The following NEK6 variants were observed in gnomAD, a reference collection of about 807,000 sequenced individuals.
The protein encoded by NEK6 is NIMA related kinase 6.
In NEK6, 27 loss-of-function variants were observed where a neutral mutation model predicts 43.5. That is an observed-to-expected ratio of 0.62 (90% confidence interval 0.46 to 0.86). The LOEUF (loss-of-function observed/expected upper bound fraction) is 0.86, where lower values mean the gene tolerates loss of function less well. Among genes scored for constraint, NEK6 ranks in the 40% least tolerant of loss-of-function variants. The pLI is 0.00. For missense variants in NEK6, 318 were observed against 414.4 expected, an observed-to-expected ratio of 0.77 and a Z score of 2.02; for synonymous variants, 167 against 164.1, an observed-to-expected ratio of 1.02 and a Z score of -0.14.
chr9:124,341,386 G>C (rs1433569823), intron 8 of NEK6, among the ~76,000 whole-genome samples: 3 of 147,022 alleles, frequency 2.0e-5, no homozygotes, highest in Non-Finnish European at 4.6e-5. Context: ...CGGGTGACAA[G>C]AGGGTGGGAC....
chr9:124,328,182 C>G (rs1026522652), intron 7 of NEK6, among the ~76,000 whole-genome samples: 1 of 152,162 alleles, frequency 6.6e-6, no homozygotes, highest in Non-Finnish European at 1.5e-5. Flanking sequence ...TATCCACACA[C>G]TGGGTATGTA....
chr9:124,257,750 C>A, upstream of NEK6: 27 of 1,517,838 alleles, frequency 1.8e-5, no homozygotes, highest in Non-Finnish European at 2.4e-5. Flanking sequence ...CTTCCCATCT[C>A]TGAAATGGGG....
chr9:124,327,865 G>A (rs1337459358), intron 7 of NEK6, among the ~76,000 whole-genome samples: 1 of 152,208 alleles, frequency 6.6e-6, no homozygotes, highest in Non-Finnish European at 1.5e-5. Flanking sequence ...GTGGGGACCA[G>A]GTGCCTGCCA....
intron 4 of NEK6, among the ~76,000 whole-genome samples, chr9:124,316,064 C>T (rs1027329057): frequency 5.3e-5 from 8 of 152,236 alleles, no homozygotes; most frequent in Non-Finnish European, 1.0e-4. Flanking sequence ...GCCGCCTTCC[C>T]GAACACGGGT....
At position 124,303,558 on chromosome 9, in the gene NEK6, T is replaced by C. The variant is rs113451191; in HGVS notation, c.90+1504T>C. On this transcript the variant is annotated intron_variant, in intron 2 of 9. Coordinates refer to ENST00000320246, the MANE Select transcript of NEK6 (RefSeq NM_014397.6). ...TGCAGATTGACACAGAGGCGACACG[T>C]TGAGCTTAGTGGACACTATGTTTGT... Among the ~76,000 whole-genome samples the C allele has an allele frequency of 2.6e-5, 4 of 152,284 alleles. No homozygotes were observed. The South Asian group carries it at 8.3e-4, about 32-fold the overall frequency.
upstream of NEK6, chr9:124,257,919 G>T (rs1158309795): frequency 2.8e-5 from 27 of 967,284 alleles, no homozygotes; most frequent in Non-Finnish European, 3.3e-5. Flanking sequence ...GCGGGGAGGG[G>T]CGGGCGCGCG....
At chr9:124,311,790 A>G (rs1833538612) in intron 2 of NEK6, among the ~76,000 whole-genome samples, 1 of 152,186 alleles carries the variant, frequency 6.6e-6, no homozygotes, top group African/African-American at 2.4e-5. Context: ...CCTGGGTTCA[A>G]GCGATTCTCA....
intron 8 of NEK6, among the ~76,000 whole-genome samples, chr9:124,341,791 G>A (rs1168896256): frequency 6.6e-6 from 1 of 152,176 alleles, no homozygotes; most frequent in African/African-American, 2.4e-5. Flanking sequence ...GGAAGTCAGT[G>A]TCTTTAGCCA....
intron 1 of NEK6, among the ~76,000 whole-genome samples, chr9:124,272,681 C>A (rs188291770): frequency 6.6e-6 from 1 of 152,342 alleles, no homozygotes; most frequent in Admixed American, 6.5e-5. Flanking sequence ...AACCGCTCCC[C>A]CTAACGCTGC....
chr9:124,325,614 C>T (rs1441068734), intron 5 of NEK6, among the ~76,000 whole-genome samples: 1 of 152,274 alleles, frequency 6.6e-6, no homozygotes, highest in East Asian at 1.9e-4. Flanking sequence ...TGAGCCGTGG[C>T]TGTCACATGC....
At chr9:124,342,385 T>C (rs907028167) in intron 8 of NEK6, among the ~76,000 whole-genome samples, 6 of 152,202 alleles carry the variant, frequency 3.9e-5, no homozygotes, top group Admixed American at 6.5e-5. Flanking sequence ...CTCACTTTCA[T>C]CCAAATCCCA....
intron 7 of NEK6, 124 bp from the exon 8 acceptor site, chr9:124,339,447 G>T: frequency 1.4e-6 from 1 of 724,000 alleles, no homozygotes; most frequent in East Asian, 2.5e-5. Context: ...AGGGAGAAGG[G>T]CTGCTCAGAG....
intron 2 of NEK6, among the ~76,000 whole-genome samples, chr9:124,310,469 A>G (rs1833475094): frequency 6.6e-6 from 1 of 152,200 alleles, no homozygotes; most frequent in African/African-American, 2.4e-5. Flanking sequence ...CATGAGAGGT[A>G]ATTAGGCCTC....
chr9:124,272,204 G>A (rs566678086), intron 1 of NEK6, among the ~76,000 whole-genome samples: 5 of 152,228 alleles, frequency 3.3e-5, no homozygotes, highest in Admixed American at 6.5e-5. Flanking sequence ...GCTCTGGGGA[G>A]CGCTTCCCCA....
chr9:124,329,079 C>CG lies in NEK6; in HGVS notation c.622+1639dup, dbSNP rs1484191655. On this transcript the variant is annotated intron_variant, in intron 7 of 9. Transcript: ENST00000320246. ...CACGCTGCTTCCAGGAAACGAGGGC[C>CG]GGGGGCCTCGGCAGATACCGTTGGA... 3.9e-5 allele frequency among the ~76,000 whole-genome samples: 6 copies of CG among 152,328 alleles called. No individual in the cohort carries two copies. In the South Asian group the frequency reaches 8.3e-4, roughly 21 times the overall value.
intron 1 of NEK6, among the ~76,000 whole-genome samples, chr9:124,299,716 G>C (rs749935234): frequency 6.6e-6 from 1 of 152,110 alleles, no homozygotes; most frequent in Non-Finnish European, 1.5e-5. Flanking sequence ...ATGCCCCTCC[G>C]TGTGACACTG....
At chr9:124,317,238 A>G (rs963191990) in intron 4 of NEK6, among the ~76,000 whole-genome samples, 1 of 152,186 alleles carries the variant, frequency 6.6e-6, no homozygotes, top group Non-Finnish European at 1.5e-5. Flanking sequence ...AAATCTGGGC[A>G]AGAGGATTTT....
At chr9:124,281,373 A>C (rs1831896386) in intron 1 of NEK6, among the ~76,000 whole-genome samples, 1 of 152,016 alleles carries the variant, frequency 6.6e-6, no homozygotes, top group African/African-American at 2.4e-5. Flanking sequence ...CTGGTTCCCA[A>C]ATCCCAGACC....
At chr9:124,309,766 T>G (rs772970328) in intron 2 of NEK6, among the ~76,000 whole-genome samples, 3 of 152,212 alleles carry the variant, frequency 2.0e-5, no homozygotes, top group African/African-American at 4.8e-5. Context: ...CCTGGCTGTT[T>G]ATGAGGGTAT....
Sources: gnomAD v4.1 joint callset for allele counts (sites outside exome capture counted in the v4.1 genomes callset) on GRCh38, gnomAD v4.1.1 for gene constraint, MANE v1.5 for transcripts, NCBI Gene and HGNC (gene_info 2026-07-23, HGNC 2026-07-21) for gene names.